The following KCNIP1 variants were observed in gnomAD, a reference collection of about 807,000 sequenced individuals.
KCNIP1 encodes A-type potassium channel modulatory protein KCNIP1.
In KCNIP1, 18 loss-of-function variants were observed where a neutral mutation model predicts 33.0. That is an observed-to-expected ratio of 0.55 (90% CI 0.38 to 0.81). The LOEUF (loss-of-function observed/expected upper bound fraction) is 0.81, where lower values mean the gene tolerates loss of function less well. Ranked by LOEUF, KCNIP1 falls within the 30% of genes least tolerant of loss-of-function variation. The pLI, the probability that KCNIP1 is intolerant of heterozygous loss-of-function variation, is 0.00. For missense variants in KCNIP1, 238 were observed against 271.6 expected (o/e 0.88, Z 0.87); for synonymous variants, 93 against 98.3 (o/e 0.95, Z 0.32).
At chr5:170,381,839 G>A (rs1764253499) in intron 1 of KCNIP1, among the ~76,000 whole-genome samples, 1 of 152,172 alleles carries the variant, frequency 6.6e-6, no homozygotes, top group Non-Finnish European at 1.5e-5. Flanking sequence ...ATAAATCAAG[G>A]GCTACTGAAT....
At chr5:170,708,209 A>G (rs561209041) in intron 1 of KCNIP1, among the ~76,000 whole-genome samples, 7 of 152,258 alleles carry the variant, frequency 4.6e-5, no homozygotes, top group African/African-American at 1.7e-4. Context: ...GCCCCTAATT[A>G]TATTAGGGAA....
At chr5:170,697,490 G>A (rs1479177930) in intron 1 of KCNIP1, among the ~76,000 whole-genome samples, 2 of 152,184 alleles carry the variant, frequency 1.3e-5, no homozygotes, top group Non-Finnish European at 2.9e-5. Flanking sequence ...TGGTAAGGTT[G>A]AACCTACAGG....
chr5:170,601,255 C>T (rs774649807), intron 1 of KCNIP1, among the ~76,000 whole-genome samples: 25 of 152,242 alleles, frequency 1.6e-4, no homozygotes, highest in Non-Finnish European at 2.6e-4. Flanking sequence ...GGAGTCACAG[C>T]GGTGTAGAGG....
chr5:170,641,079 A>T (rs1760529862), intron 1 of KCNIP1, among the ~76,000 whole-genome samples: 1 of 152,126 alleles, frequency 6.6e-6, no homozygotes, highest in African/African-American at 2.4e-5. Flanking sequence ...AAAAGATTCA[A>T]GCAGAGGCGG....
intron 1 of KCNIP1, chr5:170,678,623 T>G (rs1762226557): frequency 6.6e-6 from 1 of 152,224 alleles, no homozygotes; most frequent in Admixed American, 6.5e-5. Context: ...ACCTTATATC[T>G]AACAGATGCT....
chr5:170,485,743 A>C (rs1197837426), intron 1 of KCNIP1: 1 of 152,704 alleles, frequency 6.5e-6, no homozygotes, highest in Non-Finnish European at 1.5e-5. Flanking sequence ...GGAGGAGGAG[A>C]AAATAGGGAG....
rs67542248 is a variant in KCNIP1, at chr5:170,451,723, TTGTGTGTGTGTGTGTG to T, written c.88+97791_88+97806del. Reference sequence around the variant, plus strand: ...GACAGTTGCTTCAGCTTCTCCTGCATTGTGTGTGTGTGTGTGTGTGTGTGTGTGTGTGTGTGTGTGT... The same window carrying T: ...GACAGTTGCTTCAGCTTCTCCTGCATTGTGTGTGTGTGTGTGTGTGTGTGT... On this transcript the variant is annotated intron_variant, in intron 1 of 7. Transcript: ENST00000377360. Among the ~76,000 whole-genome samples the T allele has an allele frequency of 1.1e-3, 140 of 122,972 alleles. 1 individual carries two copies. The highest frequency in any genetic ancestry group is 3.8e-3 in the African/African-American group (118 of 31,112). 80.7% of individuals were successfully genotyped at this position (122,972 alleles called of 152,430 possible). A position where few individuals can be genotyped will look rare whatever the true frequency, so the allele number is the denominator to read the frequency against.
intron 1 of KCNIP1, among the ~76,000 whole-genome samples, chr5:170,626,228 C>T (rs1267900560): frequency 6.6e-6 from 1 of 152,198 alleles, no homozygotes; most frequent in Non-Finnish European, 1.5e-5. Context: ...CTTGCACTAA[C>T]GTTGTCATGC....
At chr5:170,391,105 A>G (rs1754578462) in intron 1 of KCNIP1, among the ~76,000 whole-genome samples, 1 of 152,156 alleles carries the variant, frequency 6.6e-6, no homozygotes. Context: ...TGACAGAGGG[A>G]TGTAGGATCT....
intron 1 of KCNIP1, among the ~76,000 whole-genome samples, chr5:170,399,757 A>G (rs2113381913): frequency 6.6e-6 from 1 of 152,220 alleles, no homozygotes; most frequent in East Asian, 1.9e-4. Context: ...ATAGTCCATC[A>G]TATAGATATG....
At chr5:170,643,165 C>T (rs985887641) in intron 1 of KCNIP1, among the ~76,000 whole-genome samples, 5 of 152,188 alleles carry the variant, frequency 3.3e-5, no homozygotes, top group African/African-American at 1.2e-4. Context: ...GAGTCAGAGG[C>T]TGGAGTGACA....
chr5:170,383,689 T>C, intron 1 of KCNIP1: 1 of 1,614,178 alleles, frequency 6.2e-7, no homozygotes, highest in Non-Finnish European at 8.5e-7. Flanking sequence ...CTGCTGGTTC[T>C]GGTCCCGAGT....
At chr5:170,584,746 T>C (rs1050120647) in intron 1 of KCNIP1, among the ~76,000 whole-genome samples, 2 of 152,202 alleles carry the variant, frequency 1.3e-5, no homozygotes, top group African/African-American at 4.8e-5. Context: ...CTCCTTTTTT[T>C]CTAGCTGAAT....
At chr5:170,606,848 G>A (rs1294590922) in intron 1 of KCNIP1, among the ~76,000 whole-genome samples, 1 of 152,152 alleles carries the variant, frequency 6.6e-6, no homozygotes, top group Non-Finnish European at 1.5e-5. Flanking sequence ...TCCTTCTTCT[G>A]CTGCTCTGGT....
At chr5:170,459,802 C>T (rs1756466507) in intron 1 of KCNIP1, among the ~76,000 whole-genome samples, 1 of 151,960 alleles carries the variant, frequency 6.6e-6, no homozygotes, top group East Asian at 1.9e-4. Context: ...AAGAACAAAC[C>T]AAACCCAAAT....
At chr5:170,539,504 G>A (rs1756117380) in intron 1 of KCNIP1, among the ~76,000 whole-genome samples, 1 of 152,168 alleles carries the variant, frequency 6.6e-6, no homozygotes, top group Non-Finnish European at 1.5e-5. Context: ...CAGCAAATGT[G>A]CCTGCTCCTC....
intron 5 of KCNIP1, among the ~76,000 whole-genome samples, chr5:170,726,471 T>C (rs996889261): frequency 2.6e-5 from 4 of 152,064 alleles, no homozygotes; most frequent in Non-Finnish European, 1.5e-5. Flanking sequence ...AGACTGATAA[T>C]ACCAAGCATT....
chr5:170,662,213 G>T (rs1761526567), intron 1 of KCNIP1, among the ~76,000 whole-genome samples: 3 of 152,312 alleles, frequency 2.0e-5, no homozygotes, highest in Admixed American at 6.5e-5. Context: ...TTTAGTTTTA[G>T]TTTATTTGGG....
chr5:170,414,105 T>C (rs1368054511), intron 1 of KCNIP1, among the ~76,000 whole-genome samples: 1 of 152,146 alleles, frequency 6.6e-6, no homozygotes, highest in Non-Finnish European at 1.5e-5. Context: ...TCCAGAATTC[T>C]GTAAATCCAA....
Sources: gnomAD v4.1 joint callset for allele counts (sites outside exome capture counted in the v4.1 genomes callset) on GRCh38, gnomAD v4.1.1 for gene constraint, MANE v1.5 for transcripts, NCBI Gene and HGNC (gene_info 2026-07-23, HGNC 2026-07-21) for gene names.